Variants in GRK5 observed in about 807,000 individuals in gnomAD.
GRK5 encodes the protein g protein-coupled receptor kinase GRK5.
GRK5 carries 40 observed loss-of-function variants against 78.4 expected under a neutral mutation model. The ratio of observed to expected loss-of-function variants is 0.51; its 90% CI spans 0.40 to 0.66. The LOEUF is 0.66. Ranked by LOEUF, GRK5 falls within the 30% of genes least tolerant of loss-of-function variation. GRK5 has a pLI of 0.00. For missense variants in GRK5, 598 were observed against 759.9 expected, an observed-to-expected ratio of 0.79 and a Z score of 2.50; for synonymous variants, 289 against 296.8, an observed-to-expected ratio of 0.97 and a Z score of 0.27.
intron 1 of GRK5, among the ~76,000 whole-genome samples, 155 bp downstream of exon 1, chr10:119,208,124 C>T (rs1183434564): frequency 6.6e-6 from 1 of 152,240 alleles, no homozygotes; most frequent in Non-Finnish European, 1.5e-5. Flanking sequence ...TCTGCAGACC[C>T]TTCAGGGTTC....
intron 4 of GRK5, 76 bp downstream of exon 4, chr10:119,396,848 C>G: frequency 1.8e-6 from 2 of 1,108,492 alleles, no homozygotes; most frequent in Non-Finnish European, 2.8e-6. Context: ...AAGTCTGTGC[C>G]AGGCCACATG....
In GRK5 at chr10:119,267,774, C is replaced by T. The variant is rs923511200; in HGVS notation, c.53-58742C>T. ...TTTGGTTGGGAGTTTCATGCTGGCT[C>T]AGCCACACAAACAATGACATGGAAC... On this transcript the variant is annotated intron_variant, in intron 1 of 15. Transcript: ENST00000392870. This position sits in a 1 kb window ranked among gnomAD's most constrained non-coding sequence, Gnocchi z 4.1. Among the ~76,000 whole-genome samples, 9 of 152,170 alleles carry T rather than the reference C, an allele frequency of 5.9e-5. No individual in the cohort carries two copies. The highest frequency in any genetic ancestry group is 4.6e-4 in the Admixed American group (7 of 15,278).
At chr10:119,298,444 G>A (rs755537575) in intron 1 of GRK5, among the ~76,000 whole-genome samples, 23 of 152,182 alleles carry the variant, frequency 1.5e-4, no homozygotes, top group Non-Finnish European at 2.9e-4. Flanking sequence ...ACCGATGGCC[G>A]TGAATCCCTC....
intron 1 of GRK5, among the ~76,000 whole-genome samples, chr10:119,322,876 C>T (rs943830124): frequency 4.6e-5 from 7 of 152,284 alleles, no homozygotes; most frequent in South Asian, 2.1e-4. Flanking sequence ...CAGCGTTATA[C>T]GTAATAGCTA....
rs117278377 is a variant in GRK5, at chr10:119,347,242, T to C, written c.148+20631T>C. 2.7e-4 allele frequency among the ~76,000 whole-genome samples: 41 copies of C among 152,274 alleles called. 1 individual carries two copies. In the East Asian group the frequency reaches 7.1e-3, roughly 27 times the overall value. Reference sequence around the variant, plus strand: ...TATGTGTGTGTGTGCAGTGTGTGTGTGTGCACATGCAAGTTTGTATGTGTC... The same window carrying C: ...TATGTGTGTGTGTGCAGTGTGTGTGCGTGCACATGCAAGTTTGTATGTGTC... On this transcript the variant is annotated intron_variant, in intron 2 of 15. Coordinates refer to ENST00000392870, the MANE Select transcript of GRK5 (RefSeq NM_005308.3).
intron 2 of GRK5, among the ~76,000 whole-genome samples, chr10:119,374,750 G>A (rs1394010060): frequency 4.2e-5 from 6 of 142,632 alleles, no homozygotes; most frequent in African/African-American, 1.6e-4. Context: ...GGAGCCTGGT[G>A]GGAGGTGTTT....
At chr10:119,327,848 A>ACCTTCCATC (rs1380002497) in intron 2 of GRK5, among the ~76,000 whole-genome samples, 1 of 152,166 alleles carries the variant, frequency 6.6e-6, no homozygotes, top group Non-Finnish European at 1.5e-5. Context: ...CTTAAGACCC[A>ACCTTCCATC]CCTTCCATCC....
chr10:119,270,638 G>A (rs1849569326), intron 1 of GRK5, among the ~76,000 whole-genome samples: 1 of 152,264 alleles, frequency 6.6e-6, no homozygotes, highest in Admixed American at 6.5e-5. Context: ...CTGTGCAGGT[G>A]CAGGTCTGTC....
At chr10:119,226,475 T>C (rs886406947) in intron 1 of GRK5, among the ~76,000 whole-genome samples, 4 of 151,282 alleles carry the variant, frequency 2.6e-5, no homozygotes, top group Non-Finnish European at 5.9e-5. Context: ...TGGAGACTAG[T>C]GATGTGAGTT....
intron 4 of GRK5, among the ~76,000 whole-genome samples, chr10:119,415,869 A>G (rs1176135766): frequency 1.3e-5 from 2 of 152,164 alleles, no homozygotes; most frequent in Non-Finnish European, 2.9e-5. Flanking sequence ...CAGTTTCCCC[A>G]TCTGTGCCAT....
At chr10:119,251,924 G>T (rs1445877933) in intron 1 of GRK5, among the ~76,000 whole-genome samples, 1 of 152,186 alleles carries the variant, frequency 6.6e-6, no homozygotes, top group Non-Finnish European at 1.5e-5. Flanking sequence ...TCTCCGCCCT[G>T]TGCATATCCA....
At chr10:119,387,746 A>T (rs1419247101) in intron 3 of GRK5, among the ~76,000 whole-genome samples, 1 of 152,046 alleles carries the variant, frequency 6.6e-6, no homozygotes, top group Non-Finnish European at 1.5e-5. Context: ...CTTGGGTGAG[A>T]CTTAATGGGT....
rs754789214 is a variant in GRK5 at position 119,453,269 on chromosome 10, A to AG, written c.1668dup (p.Arg557AlafsTer18). On this transcript the variant is annotated frameshift_variant, in exon 15 of 16. Transcript: ENST00000392870. LOFTEE classifies it high-confidence loss of function. Reference sequence around the variant, plus strand: ...AAAGGGCTGCTCCAGAGACTCTTCAAGCGGCAGGTGAGACACCCATGCCTG... The same window carrying AG: ...AAAGGGCTGCTCCAGAGACTCTTCAAGGCGGCAGGTGAGACACCCATGCCTG... The AG allele has an allele frequency of 1.2e-6, 2 of 1,614,012 alleles. No individual in the cohort carries two copies. The highest frequency in any genetic ancestry group is 1.7e-6 in the Non-Finnish European group (2 of 1,179,998).
At chr10:119,370,227 C>T (rs1266339755) in intron 2 of GRK5, among the ~76,000 whole-genome samples, 1 of 152,172 alleles carries the variant, frequency 6.6e-6, no homozygotes, top group Non-Finnish European at 1.5e-5. Context: ...GCCTTCTTTC[C>T]TCCCCACTGT....
At chr10:119,442,687 G>A (rs1337612230) in intron 11 of GRK5, among the ~76,000 whole-genome samples, 1 of 152,202 alleles carries the variant, frequency 6.6e-6, no homozygotes, top group Non-Finnish European at 1.5e-5. Context: ...CCTGAGAGGC[G>A]CGTGCCCGGG....
chr10:119,272,090 G>A (rs1330642431), intron 1 of GRK5, among the ~76,000 whole-genome samples: 2 of 152,182 alleles, frequency 1.3e-5, no homozygotes. Flanking sequence ...GTGATGCCCC[G>A]TTCAGCAGAG....
chr10:119,431,890 G>T lies in GRK5; in HGVS notation c.738+363G>T, dbSNP rs181084381. Among the ~76,000 whole-genome samples the T allele has an allele frequency of 5.3e-5, 8 of 152,332 alleles. No homozygotes were observed. In the South Asian group the frequency reaches 1.4e-3, roughly 28 times the overall value. ...ACAGACCCTCTAGGCTGGTGCCATC[G>T]TGGTGGGGACCTTAGTGCCAGCATC... On this transcript the variant is annotated intron_variant, in intron 8 of 15. Coordinates refer to ENST00000392870, the MANE Select transcript of GRK5 (RefSeq NM_005308.3). This position sits in a 1 kb window ranked among gnomAD's most constrained non-coding sequence, Gnocchi z 4.8.
intron 1 of GRK5, among the ~76,000 whole-genome samples, chr10:119,222,958 T>G (rs1280162743): frequency 6.6e-6 from 1 of 152,220 alleles, no homozygotes; most frequent in Admixed American, 6.5e-5. Context: ...CCAGGGCAGC[T>G]CTGCAACTCT....
At chr10:119,329,743 C>CA (rs1054113116) in intron 2 of GRK5, among the ~76,000 whole-genome samples, 1 of 151,168 alleles carries the variant, frequency 6.6e-6, no homozygotes, top group East Asian at 1.9e-4. Flanking sequence ...AAAACAAAAA[C>CA]AAAAACAAAA....
Sources: gnomAD v4.1 joint callset for allele counts (sites outside exome capture counted in the v4.1 genomes callset) on GRCh38, gnomAD v4.1.1 for gene constraint, Gnocchi (gnomAD v3.1) non-coding constraint, MANE v1.5 for transcripts, NCBI Gene and HGNC (gene_info 2026-07-23, HGNC 2026-07-21) for gene names.